MOB4: variants seen among roughly 807,000 people sequenced by gnomAD.
MOB4 encodes the protein MOB-like protein phocein.
In MOB4, 4 loss-of-function variants were observed where a neutral mutation model predicts 32.2. That is an observed-to-expected ratio of 0.12 (90% CI 0.06 to 0.28). The LOEUF (loss-of-function observed/expected upper bound fraction) is 0.28. Among genes scored for constraint, MOB4 ranks in the 10% least tolerant of loss-of-function variants. The pLI is 1.00. For synonymous variants in MOB4, 88 were observed against 88.1 expected (o/e 1.00, Z 0.01); for missense variants, 158 against 271.2 (o/e 0.58, Z 2.93).
chr2:197,533,766 G>A, intron 2 of MOB4: 2 of 421,202 alleles, frequency 4.7e-6, no homozygotes, highest in Non-Finnish European at 9.1e-6. Flanking sequence ...CCCTTTCCCT[G>A]TCATCATGGT....
chr2:197,519,927 A>G (rs991001949), intron 1 of MOB4, among the ~76,000 whole-genome samples: 1 of 152,164 alleles, frequency 6.6e-6, no homozygotes, highest in African/African-American at 2.4e-5. Context: ...TTTCTAGAAG[A>G]TTGTTTTATT....
chr2:197,540,085 T>A (rs548137227), intron 3 of MOB4, 26 bp from the exon 4 acceptor site: 10 of 1,588,314 alleles, frequency 6.3e-6, no homozygotes, highest in Admixed American at 3.6e-5. Context: ...AGATATGACT[T>A]TTTATTTATG....
chr2:197,523,789 C>A, intron 2 of MOB4, 103 bp downstream of exon 2: 1 of 1,084,200 alleles, frequency 9.2e-7, no homozygotes, highest in South Asian at 1.9e-5. Context: ...CAGTCTGCTT[C>A]CCAATAAAGC....
At position 197,535,515 on chromosome 2, in the gene MOB4, C is replaced by T. The variant is rs769780307; in HGVS notation, c.124-15C>T. ...GATATAATTTAATTAACCATAAGAA[C>T]TTCTTTGTTTTTAGTATATTCAACA... On this transcript the variant is annotated splice_polypyrimidine_tract_variant and intron_variant, in intron 2 of 7. Coordinates refer to ENST00000323303, the MANE Select transcript of MOB4 (RefSeq NM_015387.5). 2 of 1,577,238 alleles carry T rather than the reference C, an allele frequency of 1.3e-6. No homozygotes were observed. The highest frequency in any genetic ancestry group is 2.7e-5 in the African/African-American group (2 of 72,854).
At chr2:197,522,596 G>T (rs1297213415) in intron 1 of MOB4, among the ~76,000 whole-genome samples, 1 of 151,724 alleles carries the variant, frequency 6.6e-6, no homozygotes, top group Non-Finnish European at 1.5e-5. Context: ...CTCCCAAAGT[G>T]GTAGGGTTAC....
intron 5 of MOB4, among the ~76,000 whole-genome samples, chr2:197,544,035 C>T (rs541810573): frequency 6.6e-6 from 1 of 151,622 alleles, no homozygotes; most frequent in East Asian, 1.9e-4. Context: ...CCACTGCGCC[C>T]AGCCGAGTTT....
At chr2:197,536,314 C>G (rs1199869149) in intron 3 of MOB4, among the ~76,000 whole-genome samples, 1 of 152,036 alleles carries the variant, frequency 6.6e-6, no homozygotes, top group African/African-American at 2.4e-5. Flanking sequence ...AGCAATCCTC[C>G]CACCTCAGCC....
chr2:197,547,222 G>A (rs140836171), intron 5 of MOB4, among the ~76,000 whole-genome samples: 152 of 152,284 alleles, frequency 1.0e-3, no homozygotes, highest in African/African-American at 3.4e-3. Flanking sequence ...TGGTCTTGCC[G>A]TTGCTGGGAA....
chr2:197,544,685 G>A (rs1025056587), intron 5 of MOB4, among the ~76,000 whole-genome samples: 1 of 151,720 alleles, frequency 6.6e-6, no homozygotes, highest in South Asian at 2.1e-4. Flanking sequence ...CCCTGCAGAC[G>A]GAGCTTGCAC....
chr2:197,524,816 G>C (rs937202328), intron 2 of MOB4, among the ~76,000 whole-genome samples: 3 of 151,590 alleles, frequency 2.0e-5, no homozygotes, highest in East Asian at 1.9e-4. Flanking sequence ...TGTTGCCCAG[G>C]CTGGAGTGCA....
At chr2:197,524,542 A>C (rs547036673) in intron 2 of MOB4, among the ~76,000 whole-genome samples, 1,536 of 151,132 alleles carry the variant, frequency 0.01, 22 homozygotes, top group African/African-American at 0.019. Flanking sequence ...AAAAAAAAAA[A>C]AAAAACAAAA....
rs1191820662 is a variant in MOB4 at position 197,551,828 on chromosome 2, A to G, written c.*1182A>G. On this transcript the variant is annotated 3_prime_UTR_variant, in exon 8 of 8. Coordinates refer to ENST00000323303, the MANE Select transcript of MOB4 (RefSeq NM_015387.5). ...GAATGATTGAAATGCAGATTTAACA[A>G]TCTTATAATCTATTGAATGCCATTT... The G allele has an allele frequency of 6.6e-6, 1 of 152,324 alleles. No homozygotes were observed. Among genetic ancestry groups the G allele is most frequent in the East Asian group, 1.9e-4 (1 of 5,336 alleles). The allele number at this position is 152,324 out of a possible 1,614,324, so 9.4% of individuals were successfully genotyped here. A position where few individuals can be genotyped will look rare whatever the true frequency, so the allele number is the denominator to read the frequency against.
At chr2:197,531,403 A>G (rs2086702191) in intron 2 of MOB4, among the ~76,000 whole-genome samples, 1 of 152,208 alleles carries the variant, frequency 6.6e-6, no homozygotes, top group South Asian at 2.1e-4. Flanking sequence ...CCATTGTGCA[A>G]CCATCACCAC....
chr2:197,523,546 C>A, intron 1 of MOB4, 78 bp from the exon 2 acceptor site: 1 of 1,435,994 alleles, frequency 7.0e-7, no homozygotes. Context: ...CTAGTGTGAG[C>A]TTTGGGTCTT....
At chr2:197,516,350 C>T in intron 1 of MOB4, 2 of 1,424,362 alleles carry the variant, frequency 1.4e-6, no homozygotes, top group Non-Finnish European at 1.8e-6. Flanking sequence ...GAGCTCCGAC[C>T]CAGGGGTAGG....
rs565198789 is a variant in MOB4, at chr2:197,520,781, G to A, written c.61-2843G>A. On this transcript the variant is annotated intron_variant, in intron 1 of 7. Coordinates refer to ENST00000323303, the MANE Select transcript of MOB4 (RefSeq NM_015387.5). ...CTATAAAAATATCCCCCTTAAGCTG[G>A]GCATGGTGGCTCATGCTTGTAATGC... is the stretch of plus-strand genomic sequence containing the variant. 9.2e-4 allele frequency among the ~76,000 whole-genome samples: 139 copies of A among 151,736 alleles called. 1 individual carries two copies. The highest frequency in any genetic ancestry group is 3.2e-3 in the African/African-American group (132 of 41,386).
intron 1 of MOB4, chr2:197,516,777 G>T: frequency 2.1e-6 from 1 of 470,632 alleles, no homozygotes; most frequent in South Asian, 1.5e-5. Flanking sequence ...GCTAATATGC[G>T]TGAAGCATAG....
Position 197,553,547 on chromosome 2 carries a change from G to T in MOB4, c.*2901G>T, listed in dbSNP as rs972962749. The T allele has an allele frequency of 4.6e-5, 7 of 152,224 alleles. No homozygotes were observed. The highest frequency in any genetic ancestry group is 1.7e-4 in the African/African-American group (7 of 41,532). The allele number at this position is 152,224 out of a possible 1,614,324, so 9.4% of individuals were successfully genotyped here. On this transcript the variant is annotated 3_prime_UTR_variant, in exon 8 of 8. Transcript: ENST00000323303. ...ACTAAGTTTTTTATGTGAGTACTTT[G>T]CCCTACTGTCTATATGATGACATCT...
At chr2:197,547,305 T>G (rs1467083154) in intron 5 of MOB4, among the ~76,000 whole-genome samples, 1 of 152,170 alleles carries the variant, frequency 6.6e-6, no homozygotes, top group Non-Finnish European at 1.5e-5. Flanking sequence ...CTGTTGATGA[T>G]TCTGGTTTAA....
Sources: allele counts gnomAD v4.1 joint callset (sites outside exome capture counted in the v4.1 genomes callset), GRCh38; gene constraint gnomAD v4.1.1; transcripts MANE v1.5; gene names NCBI Gene and HGNC (gene_info 2026-07-23, HGNC 2026-07-21).